SMKR1: variants seen among roughly 807,000 people sequenced by gnomAD.
SMKR1 encodes the protein small lysine rich protein 1.
In SMKR1, 4 loss-of-function variants were observed where a neutral mutation model predicts 4.0. That is an observed-to-expected ratio of 1.00 (90% CI 0.49 to 2.30). SMKR1 has a LOEUF of 2.30. SMKR1 is among the 30% of genes most tolerant of loss of function. The pLI, the probability that SMKR1 is intolerant of heterozygous loss-of-function variation, is 0.02. For missense variants in SMKR1, 56 were observed against 81.8 expected (o/e 0.68, Z 1.22); for synonymous variants, 38 against 32.5 (o/e 1.17, Z -0.58).
In SMKR1 at chr7:129,502,632, C is replaced by A; in HGVS notation, c.-193C>A. The A allele has an allele frequency of 1.3e-6, 1 of 770,230 alleles. No homozygotes were observed. The highest frequency in any genetic ancestry group is 1.9e-6 in the Non-Finnish European group (1 of 522,210). The allele number at this position is 770,230 out of a possible 1,614,324, so 47.7% of individuals were successfully genotyped here. The stretch of plus-strand genomic sequence containing the variant: ...CTCCGCGGCTGGCTGCCTCCCGAGC[C>A]GGCCGCGCTCCTCCCAGCGAGGCGT... On this transcript the variant is annotated 5_prime_UTR_variant, in exon 1 of 2. Coordinates refer to ENST00000462322, the MANE Select transcript of SMKR1 (RefSeq NM_001195243.2).
intron 1 of SMKR1, among the ~76,000 whole-genome samples, chr7:129,505,763 C>G (rs1199896703): frequency 6.6e-6 from 1 of 152,136 alleles, no homozygotes; most frequent in African/African-American, 2.4e-5. Context: ...CCACTGTGAG[C>G]CACCATGCCC....
At position 129,506,867 on chromosome 7, in the gene SMKR1, T is replaced by TTTTC. The variant is rs1364339164; in HGVS notation, c.3+4043_3+4044insCTTT. On this transcript the variant is annotated intron_variant, in intron 1 of 1. Coordinates refer to ENST00000462322, the MANE Select transcript of SMKR1 (RefSeq NM_001195243.2). ...TTAGGTTTTCTTTCTTTCTTTTCTTTTTTTTTTTTTTTGACAGGGTCTCAT... is the reference window on the plus strand; with the variant it reads ...TTAGGTTTTCTTTCTTTCTTTTCTTTTTTCTTTTTTTTTTTTGACAGGGTCTCAT... Among the ~76,000 whole-genome samples the TTTTC allele has an allele frequency of 5.5e-3, 824 of 149,252 alleles. 6 individuals carry two copies. The highest frequency in any genetic ancestry group is 0.019 in the African/African-American group (783 of 40,766).
intron 1 of SMKR1, among the ~76,000 whole-genome samples, chr7:129,508,895 A>G (rs1400793251): frequency 2.0e-5 from 3 of 152,358 alleles, no homozygotes; most frequent in Admixed American, 6.5e-5. Flanking sequence ...TTACAATAAG[A>G]TGAGAACTTC....
chr7:129,507,018 ATT>A (rs1272812801), intron 1 of SMKR1, among the ~76,000 whole-genome samples: 5 of 139,916 alleles, frequency 3.6e-5, no homozygotes, highest in African/African-American at 5.2e-5. Context: ...CATCTGACTA[ATT>A]TTTTTTTTTT....
chr7:129,512,143 C>T (rs940301943), intron 1 of SMKR1, 104 bp from the exon 2 acceptor site: 1 of 1,156,932 alleles, frequency 8.6e-7, no homozygotes, highest in South Asian at 1.7e-5. Flanking sequence ...AAGAGCATGT[C>T]ACTACACTCC....
chr7:129,502,955 G>A, intron 1 of SMKR1, 128 bp downstream of exon 1: 1 of 1,365,368 alleles, frequency 7.3e-7, no homozygotes, highest in Non-Finnish European at 9.9e-7. Context: ...GTGGCGAAAA[G>A]ATGGAGGGAC....
rs1056351691 is a variant in SMKR1, at chr7:129,503,983, A to G, written c.3+1156A>G. 2.0e-5 allele frequency among the ~76,000 whole-genome samples: 3 copies of G among 152,064 alleles called. 1 individual carries two copies. The highest frequency in any genetic ancestry group is 6.6e-5 in the Admixed American group (1 of 15,266). ...GCTCGGACCGTAGGCAGGCATCACCATGCCTGGCTAATCTCTGTATTTTTA... is the reference window on the plus strand; with the variant it reads ...GCTCGGACCGTAGGCAGGCATCACCGTGCCTGGCTAATCTCTGTATTTTTA... On this transcript the variant is annotated intron_variant, in intron 1 of 1. Coordinates refer to ENST00000462322, the MANE Select transcript of SMKR1 (RefSeq NM_001195243.2).
At chr7:129,509,821 G>A (rs1352626696) in intron 1 of SMKR1, among the ~76,000 whole-genome samples, 4 of 152,236 alleles carry the variant, frequency 2.6e-5, no homozygotes, top group Admixed American at 6.5e-5. Context: ...TTACAGGCGT[G>A]AGCCAGCGCG....
At chr7:129,508,895 A>T (rs1400793251) in intron 1 of SMKR1, among the ~76,000 whole-genome samples, 1 of 152,240 alleles carries the variant, frequency 6.6e-6, no homozygotes, top group Admixed American at 6.5e-5. Flanking sequence ...TTACAATAAG[A>T]TGAGAACTTC....
At chr7:129,512,219 C>T in intron 1 of SMKR1, 28 bp from the exon 2 acceptor site, 1 of 1,488,800 alleles carries the variant, frequency 6.7e-7, no homozygotes, top group Non-Finnish European at 8.9e-7. Flanking sequence ...AACTTCCCTC[C>T]TCCCATATTT....
chr7:129,507,729 T>C (rs548924288), intron 1 of SMKR1, among the ~76,000 whole-genome samples: 1 of 152,334 alleles, frequency 6.6e-6, no homozygotes, highest in East Asian at 1.9e-4. Context: ...AAAATATATG[T>C]GGTGGTATCT....
chr7:129,504,826 C>T (rs639663), intron 1 of SMKR1, among the ~76,000 whole-genome samples: 43,615 of 152,138 alleles, frequency 0.29, 6,352 homozygotes, highest in East Asian at 0.35. Context: ...GCCGGGATTA[C>T]AGGTGTGAAC....
chr7:129,506,134 A>C (rs1799462758), intron 1 of SMKR1, among the ~76,000 whole-genome samples: 1 of 152,178 alleles, frequency 6.6e-6, no homozygotes, highest in South Asian at 2.1e-4. Context: ...ATATACAATA[A>C]ATTTTACATG....
chr7:129,510,025 C>T (rs1037763800), intron 1 of SMKR1, among the ~76,000 whole-genome samples: 7 of 152,174 alleles, frequency 4.6e-5, no homozygotes, highest in African/African-American at 1.4e-4. Context: ...AATATACTTC[C>T]ATTGGTTATT....
chr7:129,512,167 G>A, intron 1 of SMKR1, 80 bp from the exon 2 acceptor site: 1 of 1,333,316 alleles, frequency 7.5e-7, no homozygotes. Context: ...CTGGGTGTTG[G>A]GAGTGAAACC....
chr7:129,510,846 T>A (rs574365108), intron 1 of SMKR1, among the ~76,000 whole-genome samples: 47 of 152,114 alleles, frequency 3.1e-4, no homozygotes, highest in Admixed American at 4.6e-4. Context: ...TCTCGCTCTG[T>A]CCCCCAGGCT....
rs1385097463 is a variant in SMKR1, at chr7:129,512,373, G to C, written c.130G>C (p.Asp44His). The C allele has an allele frequency of 6.5e-7, 1 of 1,535,958 alleles. No individual in the cohort carries two copies. The highest frequency in any genetic ancestry group is 8.7e-7 in the Non-Finnish European group (1 of 1,146,912). Residue 44 changes from aspartate (D) to histidine (H), a missense_variant, in exon 2 of 2, where the codon GAC (aspartate) becomes CAC (histidine). Transcript: ENST00000462322. ...NLYYIAHNVA[D>H]CLHLRGFHWP... ...CTACTACATCGCCCACAACGTCGCT[G>C]ACTGCCTGCATCTGCGAGGCTTCCA... is the stretch of plus-strand genomic sequence containing the variant.
intron 1 of SMKR1, among the ~76,000 whole-genome samples, chr7:129,508,758 A>G (rs1799494739): frequency 6.6e-6 from 1 of 152,046 alleles, no homozygotes; most frequent in South Asian, 2.1e-4. Flanking sequence ...CTTTTTTCCT[A>G]AGTCCGCTTT....
At chr7:129,504,780 G>C (rs147463019) in intron 1 of SMKR1, among the ~76,000 whole-genome samples, 1 of 152,106 alleles carries the variant, frequency 6.6e-6, no homozygotes, top group African/African-American at 2.4e-5. Context: ...TCTCAAACTG[G>C]GTGCAAGTGA....
Sources: gnomAD v4.1 joint callset for allele counts (sites outside exome capture counted in the v4.1 genomes callset) on GRCh38, gnomAD v4.1.1 for gene constraint, MANE v1.5 for transcripts, NCBI Gene and HGNC (gene_info 2026-07-23, HGNC 2026-07-21) for gene names.